Variants in ZBTB46 observed in about 807,000 individuals in gnomAD.
The protein encoded by ZBTB46 is zinc finger and BTB domain-containing protein 46.
ZBTB46 carries 8 observed loss-of-function variants against 44.1 expected under a neutral mutation model. The observed-to-expected ratio is 0.18, with a 90% CI of 0.11 to 0.33. The LOEUF (loss-of-function observed/expected upper bound fraction) is 0.33. ZBTB46 is among the 10% of genes least tolerant of loss of function. The probability of loss-of-function intolerance (pLI) is 1.00; values close to 1 mark genes in which losing one functional copy is unlikely to be tolerated. For synonymous variants in ZBTB46, 409 were observed against 382.3 expected (o/e 1.07, Z -0.81); for missense variants, 651 against 847.7 (o/e 0.77, Z 2.88).
At chr20:63,794,363 T>C (rs2092584867) in intron 1 of ZBTB46, among the ~76,000 whole-genome samples, 1 of 152,042 alleles carries the variant, frequency 6.6e-6, no homozygotes, top group Admixed American at 6.6e-5. Flanking sequence ...GGCTAACTCT[T>C]TCATTTTTTG....
In ZBTB46 at chr20:63,785,239, AG is replaced by A. The variant is rs58447989; in HGVS notation, c.937+4581del. Among the ~76,000 whole-genome samples, 1,145 of 117,518 alleles carry A rather than the reference AG, an allele frequency of 9.7e-3. 32 individuals carry two copies. The highest frequency in any genetic ancestry group is 0.03 in the African/African-American group (966 of 32,166). The allele number at this position is 117,518 out of a possible 152,430, so 77.1% of individuals were successfully genotyped here. A position where few individuals can be genotyped will look rare whatever the true frequency, so the allele number is the denominator to read the frequency against. Reference sequence around the variant, plus strand: ...GAGCGAGACTCAAAAAAAAAAAAAAAGAAAAGAAAAGAAAAAGAAAGAAGGA... The same window carrying A: ...GAGCGAGACTCAAAAAAAAAAAAAAAAAAAGAAAAGAAAAAGAAAGAAGGA... On this transcript the variant is annotated intron_variant, in intron 2 of 4. Transcript: ENST00000245663.
At chr20:63,769,738 A>T (rs1162915405) in intron 3 of ZBTB46, among the ~76,000 whole-genome samples, 4 of 152,206 alleles carry the variant, frequency 2.6e-5, no homozygotes, top group East Asian at 3.8e-4. Flanking sequence ...GTGCAGCACC[A>T]TGTCCACCAA....
Position 63,767,970 on chromosome 20 carries a change from G to T in ZBTB46, c.1222+7708C>A. The T allele has an allele frequency of 1.0e-6, 1 of 985,480 alleles. No homozygotes were observed. The highest frequency in any genetic ancestry group is 1.2e-6 in the Non-Finnish European group (1 of 829,938). 61.0% of individuals were successfully genotyped at this position (985,480 alleles called of 1,614,324 possible). On this transcript the variant is annotated intron_variant, in intron 3 of 4. Coordinates refer to ENST00000245663, the MANE Select transcript of ZBTB46 (RefSeq NM_001369741.1). The surrounding 1 kb of genome is among the most constrained non-coding windows in gnomAD (Gnocchi z 5.0). ...TGCTCCGCCCAGCTCTCCACGCCAT[G>T]AGAGGTGTCGATCTGGAACCAGAGA... is the stretch of plus-strand genomic sequence containing the variant.
At chr20:63,768,813 C>A (rs1419723137) in intron 3 of ZBTB46, among the ~76,000 whole-genome samples, 1 of 152,054 alleles carries the variant, frequency 6.6e-6, no homozygotes. Context: ...CGGACTGGGG[C>A]AGTGGCCTCC....
At chr20:63,830,620 C>T (rs1312787026) in intron 1 of ZBTB46, among the ~76,000 whole-genome samples, 1 of 149,748 alleles carries the variant, frequency 6.7e-6, no homozygotes, top group Admixed American at 6.6e-5. Flanking sequence ...TGGGCTGTGC[C>T]GGCGGGGGGC....
At chr20:63,819,808 C>T (rs1257423784) in intron 1 of ZBTB46, among the ~76,000 whole-genome samples, 3 of 152,214 alleles carry the variant, frequency 2.0e-5, no homozygotes, top group Admixed American at 2.0e-4. Flanking sequence ...ACGCTCGGAG[C>T]ACTGACAGCC....
chr20:63,783,064 A>C (rs1428634985), intron 2 of ZBTB46, among the ~76,000 whole-genome samples: 1 of 152,128 alleles, frequency 6.6e-6, no homozygotes, highest in African/African-American at 2.4e-5. Context: ...CAGGAGGTTG[A>C]GGCTGCCGTG....
intron 1 of ZBTB46, among the ~76,000 whole-genome samples, chr20:63,812,671 C>T (rs868038949): frequency 6.6e-6 from 1 of 150,848 alleles, no homozygotes; most frequent in African/African-American, 2.4e-5. Flanking sequence ...CCCAACTACT[C>T]GGGAGGCTGA....
intron 3 of ZBTB46, among the ~76,000 whole-genome samples, chr20:63,757,404 T>C (rs2092230292): frequency 6.6e-6 from 1 of 152,158 alleles, no homozygotes; most frequent in South Asian, 2.1e-4. Context: ...ATTACAGGTG[T>C]GAGCCATCGC....
At chr20:63,808,926 G>C (rs1453330194) in intron 1 of ZBTB46, among the ~76,000 whole-genome samples, 1 of 141,828 alleles carries the variant, frequency 7.1e-6, no homozygotes, top group Non-Finnish European at 1.5e-5. Context: ...GCGGTGAGCC[G>C]AGATGGCGCC....
intron 3 of ZBTB46, among the ~76,000 whole-genome samples, chr20:63,772,949 G>A (rs1319984007): frequency 1.3e-5 from 2 of 152,134 alleles, no homozygotes; most frequent in Non-Finnish European, 2.9e-5. Flanking sequence ...GGAAAGGAGG[G>A]GCCCAGAACA....
intron 2 of ZBTB46, among the ~76,000 whole-genome samples, chr20:63,784,767 G>T (rs1381335701): frequency 6.6e-6 from 1 of 152,198 alleles, no homozygotes; most frequent in Non-Finnish European, 1.5e-5. Context: ...AATTTCAAGG[G>T]ATACTGTTTC....
chr20:63,756,342 A>G (rs2092220143), intron 3 of ZBTB46, among the ~76,000 whole-genome samples: 1 of 152,264 alleles, frequency 6.6e-6, no homozygotes, highest in Admixed American at 6.5e-5. Context: ...GGGACAAGGC[A>G]TCTTCGGAGG....
rs375790108 is a variant in ZBTB46 at position 63,790,277 on chromosome 20, C to T, written c.481G>A (p.Val161Met). 6.2e-6 allele frequency: 10 copies of T among 1,612,402 alleles called. No homozygotes were observed. The highest frequency in any genetic ancestry group is 2.7e-5 in the African/African-American group (2 of 74,936). ...SSSTEALISAVMAGRSISPWL... is the reference protein window; with the variant it reads ...SSSTEALISAMMAGRSISPWL... ...GGGGAGATGCTCCTCCCAGCCATCA[C>T]GGCCGAGATGAGAGCTTCCGTGCTG... Residue 161 changes from valine (V) to methionine (M), a missense_variant, in exon 2 of 5, where the codon GTG (valine) becomes ATG (methionine). Around this residue, in one of 5 missense-constraint regions of ZBTB46, gnomAD observed 385 missense variants for 423.3 expected, o/e 0.91. Coordinates refer to ENST00000245663, the MANE Select transcript of ZBTB46 (RefSeq NM_001369741.1).
chr20:63,754,177 C>T (rs116153529), intron 3 of ZBTB46, among the ~76,000 whole-genome samples: 3,184 of 152,346 alleles, frequency 0.021, 127 homozygotes, highest in African/African-American at 0.073. Flanking sequence ...TGTGTTCGGA[C>T]GCATGTCCCC....
intron 2 of ZBTB46, among the ~76,000 whole-genome samples, chr20:63,785,991 T>C (rs2092511339): frequency 6.6e-6 from 1 of 152,218 alleles, no homozygotes; most frequent in Admixed American, 6.5e-5. Context: ...AGTGCACTAT[T>C]TCTCAGTGCC....
In ZBTB46 at chr20:63,745,470, G is replaced by T. The variant is rs2092079494; in HGVS notation, c.*1460C>A. The T allele has an allele frequency of 6.6e-6, 1 of 152,310 alleles. No homozygotes were observed. Among genetic ancestry groups the T allele is most frequent in the African/African-American group, 2.4e-5 (1 of 41,476 alleles). The allele number at this position is 152,310 out of a possible 1,614,324, so 9.4% of individuals were successfully genotyped here. A position where few individuals can be genotyped will look rare whatever the true frequency, so the allele number is the denominator to read the frequency against. On this transcript the variant is annotated 3_prime_UTR_variant, in exon 5 of 5. Transcript: ENST00000245663. ...GGAAGCTGGTGCTCTACCTGACAAT[G>T]TGGGGAAAAGCCTGGTATACAGGCT...
rs932730828 is a variant in ZBTB46, at chr20:63,799,193, G to C, written c.-33-8403C>G. 9.6e-4 allele frequency among the ~76,000 whole-genome samples: 146 copies of C among 151,380 alleles called. 1 individual carries two copies. The highest frequency in any genetic ancestry group is 3.8e-4 in the Non-Finnish European group (26 of 67,854). ...CCACAGGTGCACACCACCACACTCA[G>C]CTAATTTTTTTTTTTTTTTAATTTC... On this transcript the variant is annotated intron_variant, in intron 1 of 4. Transcript: ENST00000245663.
rs376049477 is a variant in ZBTB46 at position 63,801,840 on chromosome 20, GTC to G, written c.-33-11052_-33-11051del. Among the ~76,000 whole-genome samples, 626 of 152,296 alleles carry G rather than the reference GTC, an allele frequency of 4.1e-3. 12 individuals carry two copies. The South Asian group carries it at 0.055, about 13-fold the overall frequency. Reference sequence around the variant, plus strand: ...TCCAGACACAATGGGGACGGCCTGTGTCTCCAAAGCCACCGGCAGCTCCACCC... The same window carrying G: ...TCCAGACACAATGGGGACGGCCTGTGTCCAAAGCCACCGGCAGCTCCACCC... On this transcript the variant is annotated intron_variant, in intron 1 of 4. Coordinates refer to ENST00000245663, the MANE Select transcript of ZBTB46 (RefSeq NM_001369741.1).
Sources: allele counts gnomAD v4.1 joint callset (sites outside exome capture counted in the v4.1 genomes callset), GRCh38; gene constraint gnomAD v4.1.1; regional missense constraint gnomAD v4.1.1; non-coding constraint Gnocchi (gnomAD v3.1); transcripts MANE v1.5; gene names NCBI Gene and HGNC (gene_info 2026-07-23, HGNC 2026-07-21).